The following FOSB variants were observed in gnomAD, a reference collection of about 807,000 sequenced individuals.
FOSB encodes the protein protein FosB.
A neutral mutation model predicts 31.1 loss-of-function variants in FOSB; 8 were observed. That is an observed-to-expected ratio of 0.26 (90% confidence interval 0.15 to 0.46). FOSB has a LOEUF of 0.46. FOSB is among the 20% of genes least tolerant of loss of function. The probability of loss-of-function intolerance (pLI) is 0.99; values close to 1 mark genes in which losing one functional copy is unlikely to be tolerated. For missense variants in FOSB, 376 were observed against 460.6 expected (o/e 0.82, Z 1.68); for synonymous variants, 214 against 206.1 (o/e 1.04, Z -0.33).
In FOSB at chr19:45,468,848, TTGCAAAC is replaced by T. The variant is rs1339914865; in HGVS notation, c.126+143_126+149del. The T allele has an allele frequency of 8.1e-6, 8 of 990,206 alleles. No homozygotes were observed. The highest frequency in any genetic ancestry group is 1.2e-5 in the Non-Finnish European group (8 of 692,964). 61.3% of individuals were successfully genotyped at this position (990,206 alleles called of 1,614,324 possible). ...AGATGGAAAAGGCTCACAGCGCACT[TTGCAAAC>T]TGCAAAGAGTCGGGAGATGTTTGCA... On this transcript the variant is annotated intron_variant, in intron 1 of 3. Coordinates refer to ENST00000353609, the MANE Select transcript of FOSB (RefSeq NM_006732.3). The surrounding 1 kb of genome is among the most constrained non-coding windows in gnomAD (Gnocchi z 4.8).
Position 45,468,549 on chromosome 19 carries a change from C to A in FOSB, c.-38C>A. 3 of 1,581,158 alleles carry A rather than the reference C, an allele frequency of 1.9e-6. No individual in the cohort carries two copies. The highest frequency in any genetic ancestry group is 2.6e-6 in the Non-Finnish European group (3 of 1,167,454). On this transcript the variant is annotated 5_prime_UTR_variant, in exon 1 of 4. Coordinates refer to ENST00000353609, the MANE Select transcript of FOSB (RefSeq NM_006732.3). The surrounding 1 kb of genome is among the most constrained non-coding windows in gnomAD (Gnocchi z 4.8). ...GCCATAGCCTTGGCTTCCCGGCGAC[C>A]TCAGCGTGGTCACAGGGGCCCCCCT...
In FOSB at chr19:45,468,815, TAG is replaced by T; in HGVS notation, c.126+105_126+106del. On this transcript the variant is annotated intron_variant, in intron 1 of 3. Transcript: ENST00000353609. The surrounding 1 kb of genome is among the most constrained non-coding windows in gnomAD (Gnocchi z 4.8). ...CCCACAAAAAGGCGCATCAGAACCC[TAG>T]ATCTGAGATGGAAAAGGCTCACAGC... The T allele has an allele frequency of 8.2e-7, 1 of 1,223,104 alleles. No individual in the cohort carries two copies. Among genetic ancestry groups the T allele is most frequent in the Non-Finnish European group, 1.1e-6 (1 of 901,742 alleles). 75.8% of individuals were successfully genotyped at this position (1,223,104 alleles called of 1,614,324 possible). A position where few individuals can be genotyped will look rare whatever the true frequency, so the allele number is the denominator to read the frequency against.
chr19:45,472,824 A>G lies in FOSB; in HGVS notation c.829A>G (p.Thr277Ala). ...CAGCCAAGACGCACCCCCCAACCTG[A>G]CGGCTTCTCTCTTTACACACAGTGA... The part of the protein sequence containing the change: ...QTSQDAPPNL[T>A]ASLFTHSEVQ... The change falls in exon 4 of 4, where the codon ACG becomes GCG. Residue 277 changes from threonine (T) to alanine (A), a missense_variant. Around this residue, in one of 3 missense-constraint regions of FOSB, gnomAD observed 148 missense variants for 170.0 expected, o/e 0.87. Transcript: ENST00000353609. This position sits in a 1 kb window ranked among gnomAD's most constrained non-coding sequence, Gnocchi z 5.4. 6.2e-7 allele frequency: 1 copy of G among 1,614,042 alleles called. No individual in the cohort carries two copies. The highest frequency in any genetic ancestry group is 8.5e-7 in the Non-Finnish European group (1 of 1,179,994).
chr19:45,472,923 G>C lies in FOSB; in HGVS notation c.928G>C (p.Glu310Gln). ...TTCTTCGTTTGTCCTCACCTGCCCG[G>C]AGGTCTCCGCGTTCGCCGGCGCCCA... ...YTSSFVLTCP[E>Q]VSAFAGAQRT... is the part of the protein sequence containing the mutation. The change falls in exon 4 of 4, where the codon GAG (glutamate) becomes CAG (glutamine). Residue 310 changes from glutamate (E) to glutamine (Q), a missense_variant. Around this residue, in one of 3 missense-constraint regions of FOSB, gnomAD observed 148 missense variants for 170.0 expected, o/e 0.87. Coordinates refer to ENST00000353609, the MANE Select transcript of FOSB (RefSeq NM_006732.3). The surrounding 1 kb of genome is among the most constrained non-coding windows in gnomAD (Gnocchi z 5.4). 2 of 1,614,010 alleles carry C rather than the reference G, an allele frequency of 1.2e-6. No homozygotes were observed. Among genetic ancestry groups the C allele is most frequent in the South Asian group, 2.2e-5 (2 of 91,084 alleles).
rs943633860 is a variant in FOSB at position 45,474,047 on chromosome 19, G to C, written c.*1035G>C. ...CCTCAACAGTGAGTTAGACTCAAGG[G>C]GGTGACAGAACCGAGAAGGGGGTGA... On this transcript the variant is annotated 3_prime_UTR_variant, in exon 4 of 4. Coordinates refer to ENST00000353609, the MANE Select transcript of FOSB (RefSeq NM_006732.3). The C allele has an allele frequency of 1.3e-5, 2 of 152,476 alleles. No individual in the cohort carries two copies. The highest frequency in any genetic ancestry group is 2.4e-5 in the African/African-American group (1 of 41,362). 9.4% of individuals were successfully genotyped at this position (152,476 alleles called of 1,614,324 possible). A position where few individuals can be genotyped will look rare whatever the true frequency, so the allele number is the denominator to read the frequency against.
In FOSB at chr19:45,470,906, C is replaced by T. The variant is rs1023774695; in HGVS notation, c.404C>T (p.Ala135Val). 2 of 1,613,498 alleles carry T rather than the reference C, an allele frequency of 1.2e-6. No homozygotes were observed. The highest frequency in any genetic ancestry group is 1.6e-4 in the Middle Eastern group (1 of 6,062). ...GGAACTACCAGTGGGCCTGGGCCTG[C>T]CCGCCCAGCCCGAGCCCGGCCTAGG... ...TSGTTSGPGPARPARARPRRP... is the reference protein window; with the variant it reads ...TSGTTSGPGPVRPARARPRRP... The change falls in exon 2 of 4, where the codon GCC becomes GTC. Residue 135 changes from alanine to valine, a missense_variant. Ala to Val is a moderately conservative substitution (Grantham distance 64). This residue lies in a region of FOSB where 193 missense variants were observed against 207.1 expected (regional missense o/e 0.93). Coordinates refer to ENST00000353609, the MANE Select transcript of FOSB (RefSeq NM_006732.3).
intron 3 of FOSB, chr19:45,471,593 A>C: frequency 3.5e-6 from 1 of 282,890 alleles, no homozygotes; most frequent in African/African-American, 2.2e-5. Context: ...CGCCCCCATC[A>C]TTTCTCCCAT....
At chr19:45,471,447 TAGCCCAGGGCACAAACACAGACCC>T in intron 3 of FOSB, 146 bp downstream of exon 3, 1 of 611,358 alleles carries the variant, frequency 1.6e-6, no homozygotes, top group Non-Finnish European at 2.9e-6. Context: ...CCAGACTGGG[TAGCCCAGGGCACAAACACAGACCC>T]CCATGGACTT....
rs570937964 is a variant in FOSB, at chr19:45,470,623, C to A, written c.127-6C>A. ...TACGCCTGTGTGTGTATGTGTCACCCCGTAGGAGTGCGCCGGTCTCGGGGA... is the reference window on the plus strand; with the variant it reads ...TACGCCTGTGTGTGTATGTGTCACCACGTAGGAGTGCGCCGGTCTCGGGGA... On this transcript the variant is annotated splice_region_variant and splice_polypyrimidine_tract_variant and intron_variant, in intron 1 of 3. Transcript: ENST00000353609. The A allele has an allele frequency of 6.3e-7, 1 of 1,599,274 alleles. No individual in the cohort carries two copies. Among genetic ancestry groups the A allele is most frequent in the South Asian group, 1.1e-5 (1 of 89,810 alleles).
chr19:45,468,560 C>CAA lies in FOSB; in HGVS notation c.-26_-25insAA. 1.3e-6 allele frequency: 2 copies of CAA among 1,588,120 alleles called. No individual in the cohort carries two copies. The highest frequency in any genetic ancestry group is 8.5e-7 in the Non-Finnish European group (1 of 1,171,050). ...GGCTTCCCGGCGACCTCAGCGTGGTCACAGGGGCCCCCCTGTGCCCAGGGA... is the reference window on the plus strand; with the variant it reads ...GGCTTCCCGGCGACCTCAGCGTGGTCAAACAGGGGCCCCCCTGTGCCCAGGGA... On this transcript the variant is annotated 5_prime_UTR_variant, in exon 1 of 4. Coordinates refer to ENST00000353609, the MANE Select transcript of FOSB (RefSeq NM_006732.3). The surrounding 1 kb of genome is among the most constrained non-coding windows in gnomAD (Gnocchi z 4.8).
Position 45,468,465 on chromosome 19 carries a change from T to G in FOSB, c.-122T>G. On this transcript the variant is annotated 5_prime_UTR_variant, in exon 1 of 4. Coordinates refer to ENST00000353609, the MANE Select transcript of FOSB (RefSeq NM_006732.3). This position sits in a 1 kb window ranked among gnomAD's most constrained non-coding sequence, Gnocchi z 4.8. Reference sequence around the variant, plus strand: ...CGGACAGCGTACTTTGAGGACTCGCTCAGCTCACCGGGGACTCCCACGGCT... The same window carrying G: ...CGGACAGCGTACTTTGAGGACTCGCGCAGCTCACCGGGGACTCCCACGGCT... 1 of 1,062,580 alleles carries G rather than the reference T, an allele frequency of 9.4e-7. No homozygotes were observed. The highest frequency in any genetic ancestry group is 1.6e-5 in the South Asian group (1 of 63,974). 65.8% of individuals were successfully genotyped at this position (1,062,580 alleles called of 1,614,324 possible). A position where few individuals can be genotyped will look rare whatever the true frequency, so the allele number is the denominator to read the frequency against.
Position 45,472,432 on chromosome 19 carries a change from A to T in FOSB, c.556-119A>T, listed in dbSNP as rs1967711375. On this transcript the variant is annotated intron_variant, in intron 3 of 3. Coordinates refer to ENST00000353609, the MANE Select transcript of FOSB (RefSeq NM_006732.3). The surrounding 1 kb of genome is among the most constrained non-coding windows in gnomAD (Gnocchi z 5.4). ...TCCATCTCAGGAGGTGTTTTTTCTC[A>T]GCCCGGGGCTGCCTTCCAGCAGCAA... 1 of 763,968 alleles carries T rather than the reference A, an allele frequency of 1.3e-6. No individual in the cohort carries two copies. The highest frequency in any genetic ancestry group is 2.4e-5 in the South Asian group (1 of 42,388). The allele number at this position is 763,968 out of a possible 1,614,324, so 47.3% of individuals were successfully genotyped here.
rs1400907467 is a variant in FOSB at position 45,472,206 on chromosome 19, CT to C, written c.556-344del. ...CATGATTGCACTATTGCACTCCAGC[CT>C]GGGGGACAGAGCGAGACTCTGGCTC... On this transcript the variant is annotated intron_variant, in intron 3 of 3. Transcript: ENST00000353609. The surrounding 1 kb of genome is among the most constrained non-coding windows in gnomAD (Gnocchi z 5.4). 1 of 190,106 alleles carries C rather than the reference CT, an allele frequency of 5.3e-6. No homozygotes were observed. The highest frequency in any genetic ancestry group is 1.1e-5 in the Non-Finnish European group (1 of 93,690). The allele number at this position is 190,106 out of a possible 1,614,324, so 11.8% of individuals were successfully genotyped here. A position where few individuals can be genotyped will look rare whatever the true frequency, so the allele number is the denominator to read the frequency against.
rs1180159338 is a variant in FOSB at position 45,471,287 on chromosome 19, G to A, written c.541G>A (p.Asp181Asn). The change falls in exon 3 of 4, where the codon GAC (aspartate) becomes AAC (asparagine). Residue 181 changes from aspartate (D) to asparagine (N), a missense_variant. Asp to Asn is a conservative substitution (Grantham distance 23, BLOSUM62 1). This residue lies in a region of FOSB where 35 missense variants were observed against 83.5 expected (regional missense o/e 0.42). Transcript: ENST00000353609. ...CAGGAACCGGCGGAGGGAGCTGACCGACCGACTCCAGGCGGTGAGGACAGG... is the reference window on the plus strand; with the variant it reads ...CAGGAACCGGCGGAGGGAGCTGACCAACCGACTCCAGGCGGTGAGGACAGG... ...KCRNRRRELT[D>N]RLQAETDQLE... The A allele has an allele frequency of 1.3e-6, 2 of 1,562,802 alleles. No homozygotes were observed. Among genetic ancestry groups the A allele is most frequent in the Non-Finnish European group, 1.7e-6 (2 of 1,153,172 alleles).
Position 45,473,123 on chromosome 19 carries a change from C to A in FOSB, c.*111C>A. On this transcript the variant is annotated 3_prime_UTR_variant, in exon 4 of 4. Coordinates refer to ENST00000353609, the MANE Select transcript of FOSB (RefSeq NM_006732.3). Reference sequence around the variant, plus strand: ...GGAAGAGACAAAGTGGGTGTGTGGCCTCCCTGGCTCCTCCGTCTGACCCTC... The same window carrying A: ...GGAAGAGACAAAGTGGGTGTGTGGCATCCCTGGCTCCTCCGTCTGACCCTC... 1 of 951,072 alleles carries A rather than the reference C, an allele frequency of 1.1e-6. No homozygotes were observed. Among genetic ancestry groups the A allele is most frequent in the Non-Finnish European group, 1.6e-6 (1 of 628,176 alleles). 58.9% of individuals were successfully genotyped at this position (951,072 alleles called of 1,614,324 possible).
chr19:45,472,987 A>G lies in FOSB; in HGVS notation c.992A>G (p.Asn331Ser). Residue 331 changes from asparagine (N) to serine (S), a missense_variant, in exon 4 of 4, where the codon AAC becomes AGC. By Grantham distance (46) the Asn-to-Ser change is conservative. This residue lies in a region of FOSB where 148 missense variants were observed against 170.0 expected (regional missense o/e 0.87). Transcript: ENST00000353609. The surrounding 1 kb of genome is among the most constrained non-coding windows in gnomAD (Gnocchi z 5.4). ...SGSDQPSDPL[N>S]SPSLLAL ...AGTGACCAGCCTTCCGATCCCCTGA[A>G]CTCGCCCTCCCTCCTCGCTCTGTGA... 3 of 1,610,594 alleles carry G rather than the reference A, an allele frequency of 1.9e-6. No homozygotes were observed. Among genetic ancestry groups the G allele is most frequent in the Non-Finnish European group, 2.5e-6 (3 of 1,179,918 alleles).
chr19:45,472,931 C>A lies in FOSB; in HGVS notation c.936C>A (p.Ser312=), dbSNP rs200872647. Residue 312 remains serine (S), a synonymous_variant, in exon 4 of 4, where the codon TCC becomes TCA. Transcript: ENST00000353609. This position sits in a 1 kb window ranked among gnomAD's most constrained non-coding sequence, Gnocchi z 5.4. The part of the protein sequence containing the change: ...SSFVLTCPEV[S]AFAGAQRTSG... ...TTGTCCTCACCTGCCCGGAGGTCTC[C>A]GCGTTCGCCGGCGCCCAACGCACCA... 1.9e-6 allele frequency: 3 copies of A among 1,613,886 alleles called. No individual in the cohort carries two copies. Among genetic ancestry groups the A allele is most frequent in the South Asian group, 1.1e-5 (1 of 91,084 alleles).
chr19:45,470,611 G>C lies in FOSB; in HGVS notation c.127-18G>C, dbSNP rs759371386. 4 of 1,588,074 alleles carry C rather than the reference G, an allele frequency of 2.5e-6. No individual in the cohort carries two copies. Among genetic ancestry groups the C allele is most frequent in the Non-Finnish European group, 3.4e-6 (4 of 1,167,138 alleles). ...TGTTTGTGTGTCTACGCCTGTGTGTGTATGTGTCACCCCGTAGGAGTGCGC... is the reference window on the plus strand; with the variant it reads ...TGTTTGTGTGTCTACGCCTGTGTGTCTATGTGTCACCCCGTAGGAGTGCGC... On this transcript the variant is annotated intron_variant, in intron 1 of 3. Transcript: ENST00000353609.
In FOSB at chr19:45,473,633, T is replaced by TC. The variant is rs1276708157; in HGVS notation, c.*627dup. The TC allele has an allele frequency of 5.5e-5, 6 of 108,806 alleles. No homozygotes were observed. The highest frequency in any genetic ancestry group is 2.7e-4 in the Admixed American group (2 of 7,420). 6.7% of individuals were successfully genotyped at this position (108,806 alleles called of 1,614,324 possible). On this transcript the variant is annotated 3_prime_UTR_variant, in exon 4 of 4. Transcript: ENST00000353609. ...TCGATGCCCCCCTAGAATAATCTCA[T>TC]CCCCCCACCCGACTTCTTTTGAAAT...
Sources: allele counts gnomAD v4.1 joint callset, GRCh38; gene constraint gnomAD v4.1.1; regional missense constraint gnomAD v4.1.1; non-coding constraint Gnocchi (gnomAD v3.1); transcripts MANE v1.5; gene names NCBI Gene and HGNC (gene_info 2026-07-23, HGNC 2026-07-21).